The following SAMD5 variants were observed in gnomAD, a reference collection of about 807,000 sequenced individuals.
SAMD5 encodes the protein sterile alpha motif domain-containing protein 5.
In SAMD5, 13 loss-of-function variants were observed where a neutral mutation model predicts 11.3. That is an observed-to-expected ratio of 1.15 (90% CI 0.75 to 1.83). SAMD5 has a LOEUF of 1.83. Among genes scored for constraint, SAMD5 ranks in the 40% most tolerant of loss-of-function variants. The pLI, the probability that SAMD5 is intolerant of heterozygous loss-of-function variation, is 0.00. For synonymous variants in SAMD5, 129 were observed against 111.3 expected (o/e 1.16, Z -1.00); for missense variants, 255 against 239.1 (o/e 1.07, Z -0.44).
chr6:147,595,198 C>G (rs1360125355), intron 1 of SAMD5, among the ~76,000 whole-genome samples: 1 of 152,184 alleles, frequency 6.6e-6, no homozygotes, highest in African/African-American at 2.4e-5. Flanking sequence ...ATGCCTGATA[C>G]ATTTGGAATG....
At chr6:147,824,502 G>T in the SAMD5 span, among the ~76,000 whole-genome samples, 54 of 152,204 alleles carry the variant, frequency 3.5e-4, no homozygotes, top group African/African-American at 1.3e-3. Flanking sequence ...TTTATGAAAA[G>T]GTCCTCAGCG....
At chr6:147,790,055 TC>T in the SAMD5 span, among the ~76,000 whole-genome samples, 3 of 152,202 alleles carry the variant, frequency 2.0e-5, no homozygotes, top group African/African-American at 7.2e-5. Flanking sequence ...AGCCGTATGA[TC>T]CAGCAGTTGT....
chr6:147,804,116 T>C, the SAMD5 span, among the ~76,000 whole-genome samples: 1 of 150,380 alleles, frequency 6.6e-6, no homozygotes, highest in East Asian at 1.9e-4. Context: ...GATATCTTTT[T>C]TTTTTTTTTT....
At chr6:147,882,926 G>C in the SAMD5 span, among the ~76,000 whole-genome samples, 1 of 152,050 alleles carries the variant, frequency 6.6e-6, no homozygotes, top group Admixed American at 6.5e-5. Flanking sequence ...CAAAATATAT[G>C]GTTATTTTAC....
downstream of SAMD5, among the ~76,000 whole-genome samples, chr6:147,738,320 C>G (rs1791834856): frequency 6.6e-6 from 1 of 152,210 alleles, no homozygotes; most frequent in Non-Finnish European, 1.5e-5. Context: ...ACTATTCGTA[C>G]TCCTTCTAAG....
intron 1 of SAMD5, among the ~76,000 whole-genome samples, chr6:147,547,146 T>C (rs781180333): frequency 4.5e-4 from 69 of 152,342 alleles, no homozygotes; most frequent in Admixed American, 7.2e-4. Context: ...TTTAGCTGTT[T>C]AACAGAACAC....
intron 1 of SAMD5, among the ~76,000 whole-genome samples, chr6:147,593,457 A>G (rs1389193600): frequency 1.3e-5 from 2 of 152,226 alleles, no homozygotes; most frequent in Non-Finnish European, 2.9e-5. Context: ...CCGATTTAAT[A>G]GAGCTTATAG....
At chr6:147,875,512 C>A in the SAMD5 span, among the ~76,000 whole-genome samples, 1 of 152,162 alleles carries the variant, frequency 6.6e-6, no homozygotes, top group East Asian at 1.9e-4. Flanking sequence ...CTCTTCTACT[C>A]TCTTGTCAGC....
At chr6:147,587,591 T>G (rs545732766) in intron 1 of SAMD5, among the ~76,000 whole-genome samples, 2 of 152,304 alleles carry the variant, frequency 1.3e-5, no homozygotes, top group African/African-American at 4.8e-5. Context: ...TATAAAAAAT[T>G]GAAAATTTTG....
the SAMD5 span, among the ~76,000 whole-genome samples, chr6:147,940,267 G>C: frequency 6.7e-6 from 1 of 150,054 alleles, no homozygotes; most frequent in Admixed American, 6.7e-5. Flanking sequence ...GCCAACAGCT[G>C]AGAGGGAAAG....
chr6:147,574,921 A>C (rs964292576), downstream of SAMD5, among the ~76,000 whole-genome samples: 1 of 152,224 alleles, frequency 6.6e-6, no homozygotes, highest in African/African-American at 2.4e-5. Context: ...GATATACTGC[A>C]TTTCATCAAA....
At chr6:147,789,144 T>A in the SAMD5 span, among the ~76,000 whole-genome samples, 22 of 150,580 alleles carry the variant, frequency 1.5e-4, no homozygotes, top group South Asian at 1.7e-3. Context: ...GTCATGCCCG[T>A]AATCCCAGCA....
the SAMD5 span, among the ~76,000 whole-genome samples, chr6:147,843,579 T>C: frequency 2.6e-5 from 4 of 152,152 alleles, no homozygotes; most frequent in East Asian, 7.7e-4. Context: ...CATCACACCA[T>C]GGGATTTCTA....
At chr6:147,876,314 C>T in the SAMD5 span, among the ~76,000 whole-genome samples, 35 of 152,312 alleles carry the variant, frequency 2.3e-4, 1 homozygote, top group African/African-American at 7.0e-4. Context: ...AGTTTCATTT[C>T]GGAGTAGCTA....
At chr6:147,861,625 A>G in the SAMD5 span, among the ~76,000 whole-genome samples, 1 of 152,206 alleles carries the variant, frequency 6.6e-6, no homozygotes, top group Admixed American at 6.5e-5. Context: ...CTCAGGGCCC[A>G]GGAACACTTT....
intron 1 of SAMD5, among the ~76,000 whole-genome samples, chr6:147,603,344 G>A (rs776974762): frequency 1.1e-4 from 16 of 152,280 alleles, no homozygotes; most frequent in Non-Finnish European, 8.8e-5. Flanking sequence ...ATATATAGAT[G>A]TTATACTGAT....
Position 147,643,932 on chromosome 6 carries a change from C to T in SAMD5, c.163-93385C>T, listed in dbSNP as rs1790355439. Among the ~76,000 whole-genome samples, 5 of 140,204 alleles carry T rather than the reference C, an allele frequency of 3.6e-5. 1 individual carries two copies. Among genetic ancestry groups the T allele is most frequent in the African/African-American group, 1.3e-4 (5 of 37,868 alleles). 92.0% of individuals were successfully genotyped at this position (140,204 alleles called of 152,430 possible). On this transcript the variant is annotated intron_variant, in intron 1 of 1. Coordinates refer to the SAMD5 transcript ENST00000566741. ...ATGAGCAAGGGTTTGTCTGGGATCT[C>T]AACTTGCCTGGGGTTAACTAGTGTT...
intron 1 of SAMD5, 53 bp from the exon 2 acceptor site, chr6:147,564,341 G>A (rs1438041980): frequency 5.2e-6 from 4 of 774,414 alleles, no homozygotes; most frequent in African/African-American, 5.1e-5. Context: ...ATGGACTAGG[G>A]GAAGAATGGG....
chr6:147,691,190 T>C (rs554139584), intron 1 of SAMD5, among the ~76,000 whole-genome samples: 24 of 152,216 alleles, frequency 1.6e-4, no homozygotes, highest in African/African-American at 5.5e-4. Flanking sequence ...GACACAGTTT[T>C]GCTATGTTGG....
Sources: gnomAD v4.1 joint callset for allele counts (sites outside exome capture counted in the v4.1 genomes callset) on GRCh38, gnomAD v4.1.1 for gene constraint, MANE v1.5 for transcripts, NCBI Gene and HGNC (gene_info 2026-07-23, HGNC 2026-07-21) for gene names.